The following MYCBP variants were observed in gnomAD, a reference collection of about 807,000 sequenced individuals.
MYCBP encodes C-Myc-binding protein.
In MYCBP, 5 loss-of-function variants were observed where a neutral mutation model predicts 16.8. That is an observed-to-expected ratio of 0.30 (90% CI 0.16 to 0.63). MYCBP has a LOEUF of 0.63. Ranked by LOEUF, MYCBP falls within the 20% of genes least tolerant of loss-of-function variation. The pLI is 0.83. For missense variants in MYCBP, 103 were observed against 121.8 expected (o/e 0.85, Z 0.73); for synonymous variants, 35 against 43.7 (o/e 0.80, Z 0.79).
At chr1:38,867,682 C>A in intron 2 of MYCBP, 72 bp from the exon 3 acceptor site, 1 of 1,350,070 alleles carries the variant, frequency 7.4e-7, no homozygotes, top group Non-Finnish European at 1.1e-6. Flanking sequence ...TGTTCCATTA[C>A]CCAGTAAATA....
intron 2 of MYCBP, among the ~76,000 whole-genome samples, chr1:38,869,138 G>A (rs532881474): frequency 1.3e-5 from 2 of 150,602 alleles, no homozygotes; most frequent in Non-Finnish European, 1.5e-5. Context: ...GCCCAGGCTG[G>A]AGTGCAATGG....
At position 38,864,129 on chromosome 1, in the gene MYCBP, G is replaced by GCA. The variant is rs958282524; in HGVS notation, c.*539_*540dup. The GCA allele has an allele frequency of 1.6e-4, 25 of 153,504 alleles. No individual in the cohort carries two copies. Among genetic ancestry groups the GCA allele is most frequent in the East Asian group, 3.9e-4 (2 of 5,194 alleles). 9.5% of individuals were successfully genotyped at this position (153,504 alleles called of 1,614,324 possible). On this transcript the variant is annotated 3_prime_UTR_variant, in exon 5 of 5. Transcript: ENST00000397572. ...AAATGTGGTGTCAGAGTTCAAACTG[G>GCA]CACACACACACACAGTTATCTAAGG...
intron 2 of MYCBP, among the ~76,000 whole-genome samples, chr1:38,871,322 T>G (rs1045572256): frequency 6.6e-5 from 7 of 105,950 alleles, no homozygotes. Context: ...CTCCTTAGAC[T>G]TCCTGAAACT....
At chr1:38,871,026 G>A (rs1642453541) in intron 2 of MYCBP, among the ~76,000 whole-genome samples, 1 of 152,042 alleles carries the variant, frequency 6.6e-6, no homozygotes, top group East Asian at 1.9e-4. Context: ...GATCACCTGA[G>A]GTAAGGAGTT....
At chr1:38,870,169 C>A (rs1420800930) in intron 2 of MYCBP, among the ~76,000 whole-genome samples, 845 of 76,230 alleles carry the variant, frequency 0.011, no homozygotes, top group African/African-American at 0.025. Flanking sequence ...GACTCCGTCT[C>A]AAAAAAAAAA....
chr1:38,869,337 C>T (rs1188850507), intron 2 of MYCBP, among the ~76,000 whole-genome samples: 2 of 152,142 alleles, frequency 1.3e-5, no homozygotes, highest in Non-Finnish European at 2.9e-5. Context: ...ATCCACCCAC[C>T]TCAGCCTCCC....
intron 2 of MYCBP, among the ~76,000 whole-genome samples, 179 bp downstream of exon 2, chr1:38,872,839 C>T (rs72925138): frequency 0.018 from 2,779 of 152,340 alleles, 92 homozygotes; most frequent in African/African-American, 0.063. Context: ...AGCTAGGCTA[C>T]CCCACCCGGG....
Sources: allele counts gnomAD v4.1 joint callset (sites outside exome capture counted in the v4.1 genomes callset), GRCh38; gene constraint gnomAD v4.1.1; transcripts MANE v1.5; gene names NCBI Gene and HGNC (gene_info 2026-07-23, HGNC 2026-07-21).